ANKRD28: variants seen among roughly 807,000 people sequenced by gnomAD.
ANKRD28 encodes ankyrin repeat domain 28, also known as serine/threonine-protein phosphatase 6 regulatory ankyrin repeat subunit A.
A neutral mutation model predicts 126.5 loss-of-function variants in ANKRD28; 44 were observed. That is an observed-to-expected ratio of 0.35 (90% CI 0.27 to 0.45). The LOEUF (loss-of-function observed/expected upper bound fraction) is 0.45, where lower values mean the gene tolerates loss of function less well. Among genes scored for constraint, ANKRD28 ranks in the 20% least tolerant of loss-of-function variants. ANKRD28 has a pLI of 1.00. For missense variants in ANKRD28, 1,110 were observed against 1,316.6 expected (o/e 0.84, Z 2.43); for synonymous variants, 442 against 468.5 (o/e 0.94, Z 0.73).
chr3:15,700,184 AGGAGAACACAT>A, intron 14 of ANKRD28, among the ~76,000 whole-genome samples: 1 of 152,160 alleles, frequency 6.6e-6, no homozygotes. Flanking sequence ...GAGCTGAACA[AGGAGAACACAT>A]GGAGGGGAAC....
At chr3:15,851,403 G>A (rs1575823882) in intron 1 of ANKRD28, among the ~76,000 whole-genome samples, 1 of 151,976 alleles carries the variant, frequency 6.6e-6, no homozygotes, top group African/African-American at 2.4e-5. Flanking sequence ...AATTAGCTGT[G>A]AATAGTGGCA....
rs763530308 is a variant in ANKRD28 at position 15,737,270 on chromosome 3, TAA to T, written c.352-39_352-38del. The T allele has an allele frequency of 1.9e-6, 3 of 1,556,022 alleles. No individual in the cohort carries two copies. The South Asian group carries it at 3.4e-5, about 18-fold the overall frequency. On this transcript the variant is annotated intron_variant, in intron 4 of 27. Coordinates refer to ENST00000683139, the MANE Select transcript of ANKRD28 (RefSeq NM_001349278.2). ...GAAAAGTTATAAAAGACAAATGAGT[TAA>T]GAGTTTGAGAAATTATTTCTATATA... is the stretch of plus-strand genomic sequence containing the variant.
At chr3:15,681,134 T>C (rs1361490071) in intron 21 of ANKRD28, among the ~76,000 whole-genome samples, 7 of 152,210 alleles carry the variant, frequency 4.6e-5, no homozygotes, top group Non-Finnish European at 1.5e-5. Flanking sequence ...TTGTACAAAA[T>C]GGTTTATTTG....
At chr3:15,859,047 C>T (rs1239725454) in intron 1 of ANKRD28, among the ~76,000 whole-genome samples, 1 of 152,198 alleles carries the variant, frequency 6.6e-6, no homozygotes, top group East Asian at 1.9e-4. Context: ...GGGAAGCCAC[C>T]TGTTAGGCCC....
At chr3:15,777,886 AC>A (rs1260036114) in intron 2 of ANKRD28, among the ~76,000 whole-genome samples, 6 of 150,714 alleles carry the variant, frequency 4.0e-5, no homozygotes, top group African/African-American at 4.9e-5. Context: ...ACACACACAC[AC>A]ACACACACAC....
chr3:15,757,096 T>C (rs1360618595), intron 3 of ANKRD28, among the ~76,000 whole-genome samples: 1 of 152,224 alleles, frequency 6.6e-6, no homozygotes, highest in Non-Finnish European at 1.5e-5. Context: ...TCTGCGTCCA[T>C]TCAATACACA....
intron 4 of ANKRD28, among the ~76,000 whole-genome samples, chr3:15,740,054 T>C (rs907921151): frequency 6.6e-6 from 1 of 152,224 alleles, no homozygotes; most frequent in Non-Finnish European, 1.5e-5. Context: ...TCTGTACTAT[T>C]ACTCAGCAAT....
chr3:15,761,984 G>C (rs781414785), intron 3 of ANKRD28, among the ~76,000 whole-genome samples: 3 of 151,768 alleles, frequency 2.0e-5, no homozygotes, highest in South Asian at 2.1e-4. Flanking sequence ...TCAGGAGTTC[G>C]AGACCAGCCT....
chr3:15,804,121 C>T (rs1263155198), intron 1 of ANKRD28, among the ~76,000 whole-genome samples: 1 of 145,196 alleles, frequency 6.9e-6, no homozygotes, highest in African/African-American at 2.6e-5. Context: ...ACTATACATA[C>T]CATGCCAAGG....
In ANKRD28 at chr3:15,793,202, C is replaced by G. The variant is rs190586236; in HGVS notation, c.201+2021G>C. Among the ~76,000 whole-genome samples, 149 of 152,232 alleles carry G rather than the reference C, an allele frequency of 9.8e-4. No homozygotes were observed. The Middle Eastern group carries it at 0.014, about 14-fold the overall frequency. On this transcript the variant is annotated intron_variant, in intron 2 of 27. Transcript: ENST00000683139. ...CTATTAAAAGTCAGTGCATTTAACA[C>G]CCATTGCCTTTTAAAACCCCATATG...
chr3:15,737,899 T>TA (rs34999182), intron 4 of ANKRD28, among the ~76,000 whole-genome samples: 233 of 144,412 alleles, frequency 1.6e-3, no homozygotes, highest in African/African-American at 4.3e-3. Context: ...TCAATTTCAT[T>TA]AAAAAAAAAA....
Position 15,853,723 on chromosome 3 carries a change from T to C in ANKRD28, c.27+5654A>G, listed in dbSNP as rs968783532. The stretch of plus-strand genomic sequence containing the variant: ...TGACCTCATGATCCGCCCGCCTCGG[T>C]CTCCCAAAGTGCTGGGATTACAGGC... On this transcript the variant is annotated intron_variant, in intron 1 of 27. Coordinates refer to the ANKRD28 transcript ENST00000399451. The surrounding 1 kb of genome is among the most constrained non-coding windows in gnomAD (Gnocchi z 4.2). Among the ~76,000 whole-genome samples, 12 of 152,070 alleles carry C rather than the reference T, an allele frequency of 7.9e-5. No homozygotes were observed. The South Asian group carries it at 2.5e-3, about 32-fold the overall frequency.
At position 15,793,689 on chromosome 3, in the gene ANKRD28, G is replaced by A. The variant is rs904095635; in HGVS notation, c.201+1534C>T. ...AAACATGTTTTCCACCTTTTCATGC[G>A]TCTATACCCCTTGAGCTATTTTCTA... On this transcript the variant is annotated intron_variant, in intron 2 of 27. Coordinates refer to ENST00000683139, the MANE Select transcript of ANKRD28 (RefSeq NM_001349278.2). 7.2e-5 allele frequency among the ~76,000 whole-genome samples: 11 copies of A among 152,082 alleles called. No individual in the cohort carries two copies. In the East Asian group the frequency reaches 9.6e-4, roughly 13 times the overall value.
chr3:15,831,885 T>A, intron 1 of ANKRD28, among the ~76,000 whole-genome samples: 1 of 152,232 alleles, frequency 6.6e-6, no homozygotes, highest in East Asian at 1.9e-4. Context: ...ATATTTTCTG[T>A]ATCTTATGCA....
rs1385284105 is a variant in ANKRD28 at position 15,676,822 on chromosome 3, T to C, written c.2873+152A>G. On this transcript the variant is annotated intron_variant, in intron 26 of 27. Coordinates refer to ENST00000683139, the MANE Select transcript of ANKRD28 (RefSeq NM_001349278.2). The stretch of plus-strand genomic sequence containing the variant: ...ATAATATGGCTTTTAGTTGTGATCA[T>C]TTTAGAAATGAGTTTTGACAGTTGT... The C allele has an allele frequency of 7.3e-6, 4 of 549,530 alleles. No homozygotes were observed. In the African/African-American group the frequency reaches 7.7e-5, roughly 11 times the overall value. The allele number at this position is 549,530 out of a possible 1,614,324, so 34.0% of individuals were successfully genotyped here.
chr3:15,796,144 C>T (rs1416921583), intron 1 of ANKRD28, among the ~76,000 whole-genome samples: 1 of 152,100 alleles, frequency 6.6e-6, no homozygotes, highest in Non-Finnish European at 1.5e-5. Flanking sequence ...GTTGCCATAA[C>T]TACTAATTCT....
intron 13 of ANKRD28, 142 bp downstream of exon 13, chr3:15,709,526 T>G: frequency 1.9e-6 from 1 of 523,298 alleles, no homozygotes; most frequent in Non-Finnish European, 3.3e-6. Context: ...TGGAAGTTAC[T>G]GACTTCAGCT....
chr3:15,830,358 A>G lies in ANKRD28; in HGVS notation c.27+29019T>C, dbSNP rs2061162591. On this transcript the variant is annotated intron_variant, in intron 1 of 27. Transcript: ENST00000399451. The surrounding 1 kb of genome is among the most constrained non-coding windows in gnomAD (Gnocchi z 4.5). ...CTGCTAGCCATTCATGGCCTGTCAG[A>G]AACTGGGCTGGATAGCAGGAGGTGA... Among the ~76,000 whole-genome samples the G allele has an allele frequency of 6.6e-6, 1 of 152,166 alleles. No individual in the cohort carries two copies. The highest frequency in any genetic ancestry group is 6.5e-5 in the Admixed American group (1 of 15,280).
At chr3:15,687,030 G>A (rs1490744647) in intron 18 of ANKRD28, among the ~76,000 whole-genome samples, 5 of 150,396 alleles carry the variant, frequency 3.3e-5, no homozygotes, top group East Asian at 3.9e-4. Context: ...TGCAACTTCC[G>A]CCTCCTGGGT....
Sources: allele counts gnomAD v4.1 joint callset (sites outside exome capture counted in the v4.1 genomes callset), GRCh38; gene constraint gnomAD v4.1.1; non-coding constraint Gnocchi (gnomAD v3.1); transcripts MANE v1.5; gene names NCBI Gene and HGNC (gene_info 2026-07-23, HGNC 2026-07-21).